The following HS3ST4 variants were observed in gnomAD, a reference collection of about 807,000 sequenced individuals.
HS3ST4 encodes the protein heparan sulfate-glucosamine 3-sulfotransferase 4, also known as heparan sulfate glucosamine 3-O-sulfotransferase 4.
In HS3ST4, 17 loss-of-function variants were observed where a neutral mutation model predicts 29.2. The ratio of observed to expected loss-of-function variants is 0.58; its 90% CI spans 0.40 to 0.87. The LOEUF (loss-of-function observed/expected upper bound fraction) is 0.87, where lower values mean the gene tolerates loss of function less well. Ranked by LOEUF, HS3ST4 falls within the 40% of genes least tolerant of loss-of-function variation. The pLI is 0.00. For synonymous variants in HS3ST4, 314 were observed against 285.7 expected, an observed-to-expected ratio of 1.10 and a Z score of -1.00; for missense variants, 627 against 634.5, an observed-to-expected ratio of 0.99 and a Z score of 0.13.
chr16:25,858,542 A>G (rs1216785844), intron 1 of HS3ST4, among the ~76,000 whole-genome samples: 2 of 152,034 alleles, frequency 1.3e-5, no homozygotes, highest in Non-Finnish European at 2.9e-5. Context: ...TTTTATTTCT[A>G]TTTGATAAAC....
At chr16:26,026,982 C>T (rs1445933688) in intron 1 of HS3ST4, among the ~76,000 whole-genome samples, 3 of 152,180 alleles carry the variant, frequency 2.0e-5, no homozygotes, top group African/African-American at 7.2e-5. Context: ...TCATGATAGA[C>T]CTCTGAAGCA....
At chr16:25,820,671 G>C (rs1221878846) in intron 1 of HS3ST4, among the ~76,000 whole-genome samples, 1 of 152,048 alleles carries the variant, frequency 6.6e-6, no homozygotes, top group Non-Finnish European at 1.5e-5. Context: ...TTGGCCTCAA[G>C]AGATCTTCCT....
rs573811043 is a variant in HS3ST4 at position 26,002,847 on chromosome 16, A to G, written c.735-132765A>G. ...GAAAGAAAATGTAGATTTTAGAAAG[A>G]GCACAAAGTTTGAGTTATTCAATAT... is the stretch of plus-strand genomic sequence containing the variant. On this transcript the variant is annotated intron_variant, in intron 1 of 1. Coordinates refer to ENST00000331351, the MANE Select transcript of HS3ST4 (RefSeq NM_006040.3). Among the ~76,000 whole-genome samples, 94 of 152,116 alleles carry G rather than the reference A, an allele frequency of 6.2e-4. 1 individual carries two copies. The highest frequency in any genetic ancestry group is 2.3e-3 in the African/African-American group (94 of 41,518).
intron 1 of HS3ST4, among the ~76,000 whole-genome samples, chr16:25,941,268 C>T (rs531071916): frequency 6.6e-6 from 1 of 152,114 alleles, no homozygotes; most frequent in Non-Finnish European, 1.5e-5. Flanking sequence ...CAGGTTCAAG[C>T]ATTTATCCTG....
intron 1 of HS3ST4, among the ~76,000 whole-genome samples, chr16:25,720,751 A>C (rs1056011958): frequency 6.6e-6 from 1 of 152,206 alleles, no homozygotes; most frequent in Non-Finnish European, 1.5e-5. Context: ...TCATGGATGA[A>C]TTATAGATTT....
intron 1 of HS3ST4, among the ~76,000 whole-genome samples, chr16:25,726,049 C>A (rs151156435): frequency 6.6e-6 from 1 of 152,206 alleles, no homozygotes; most frequent in South Asian, 2.1e-4. Context: ...TGGACTCTTA[C>A]ATTTTCTGTT....
At chr16:26,113,712 C>T (rs4286113) in intron 1 of HS3ST4, among the ~76,000 whole-genome samples, 44,536 of 151,778 alleles carry the variant, frequency 0.29, 7,128 homozygotes, top group African/African-American at 0.42. Flanking sequence ...CTTCAGAATA[C>T]TCACACACTT....
chr16:25,885,447 T>C (rs1052559026), intron 1 of HS3ST4, among the ~76,000 whole-genome samples: 1 of 152,186 alleles, frequency 6.6e-6, no homozygotes, highest in Non-Finnish European at 1.5e-5. Flanking sequence ...TTCAGCCAGT[T>C]TGTCGAGTTC....
chr16:26,018,834 A>G (rs1969385124), intron 1 of HS3ST4, among the ~76,000 whole-genome samples: 3 of 142,546 alleles, frequency 2.1e-5, no homozygotes, highest in African/African-American at 8.1e-5. Context: ...TCCTCATGGA[A>G]AAAAAAAAAA....
chr16:25,883,908 A>G (rs920834398), intron 1 of HS3ST4, among the ~76,000 whole-genome samples: 3 of 152,144 alleles, frequency 2.0e-5, no homozygotes, highest in Non-Finnish European at 4.4e-5. Context: ...TGGGGTCAGG[A>G]GATCGAGACC....
intron 1 of HS3ST4, among the ~76,000 whole-genome samples, chr16:25,712,911 C>T (rs1041914393): frequency 9.2e-5 from 14 of 152,118 alleles, no homozygotes; most frequent in Non-Finnish European, 2.1e-4. Context: ...CTTCTGAGGC[C>T]TCTCTCCTTG....
intron 1 of HS3ST4, chr16:25,933,245 G>A (rs1011323255): frequency 7.1e-6 from 3 of 424,890 alleles, no homozygotes; most frequent in Non-Finnish European, 1.4e-5. Flanking sequence ...CTTCTCATAT[G>A]GCTCTTCACC....
At chr16:25,720,060 TAAATG>T (rs1015125642) in intron 1 of HS3ST4, among the ~76,000 whole-genome samples, 9 of 152,098 alleles carry the variant, frequency 5.9e-5, no homozygotes, top group Non-Finnish European at 1.3e-4. Context: ...CAGGTGATGG[TAAATG>T]AAATGAAGGA....
chr16:26,055,095 A>G (rs780101223), intron 1 of HS3ST4, among the ~76,000 whole-genome samples: 38 of 151,682 alleles, frequency 2.5e-4, no homozygotes, highest in Non-Finnish European at 4.7e-4. Context: ...CTTAAATTTG[A>G]TGAGTTGTTT....
At chr16:25,787,428 G>A (rs1429758972) in intron 1 of HS3ST4, among the ~76,000 whole-genome samples, 1 of 152,198 alleles carries the variant, frequency 6.6e-6, no homozygotes, top group African/African-American at 2.4e-5. Flanking sequence ...CCTTGGACTG[G>A]GCTTGTGCTG....
chr16:25,801,139 T>C (rs933993383), intron 1 of HS3ST4, among the ~76,000 whole-genome samples: 1 of 152,064 alleles, frequency 6.6e-6, no homozygotes, highest in East Asian at 1.9e-4. Flanking sequence ...GCCGCTGGTC[T>C]GGGGGATTCA....
intron 1 of HS3ST4, among the ~76,000 whole-genome samples, chr16:25,967,675 T>C (rs188981797): frequency 6.6e-6 from 1 of 152,308 alleles, no homozygotes; most frequent in East Asian, 1.9e-4. Flanking sequence ...TTTGCCTTAA[T>C]TTCAATGAGT....
intron 1 of HS3ST4, among the ~76,000 whole-genome samples, chr16:25,703,506 G>T (rs1441539313): frequency 6.6e-6 from 1 of 152,228 alleles, no homozygotes; most frequent in Non-Finnish European, 1.5e-5. Flanking sequence ...GTGGAGTTGG[G>T]ATTCAAACCT....
chr16:25,898,149 C>G (rs964428967), intron 1 of HS3ST4, among the ~76,000 whole-genome samples: 1 of 152,190 alleles, frequency 6.6e-6, no homozygotes, highest in Non-Finnish European at 1.5e-5. Context: ...TTCTCACTGT[C>G]CCTGGATTTT....
Sources: gnomAD v4.1 joint callset for allele counts (sites outside exome capture counted in the v4.1 genomes callset) on GRCh38, gnomAD v4.1.1 for gene constraint, MANE v1.5 for transcripts, NCBI Gene and HGNC (gene_info 2026-07-23, HGNC 2026-07-21) for gene names.